UMAD1: variants seen among roughly 807,000 people sequenced by gnomAD.
UMAD1 encodes UBAP1-MVB12-associated (UMA)-domain containing protein 1.
In UMAD1, 8 loss-of-function variants were observed where a neutral mutation model predicts 6.1. The ratio of observed to expected loss-of-function variants is 1.30; its 90% confidence interval spans 0.76 to 2.35. The LOEUF is 2.35. UMAD1 is among the 30% of genes most tolerant of loss of function. The pLI is 0.00. For missense variants in UMAD1, 130 were observed against 78.4 expected (o/e 1.66, Z -2.49); for synonymous variants, 56 against 31.4 (o/e 1.78, Z -2.61).
chr7:7,752,416 G>A (rs1371030610), intron 2 of UMAD1, among the ~76,000 whole-genome samples: 1 of 152,028 alleles, frequency 6.6e-6, no homozygotes, highest in Admixed American at 6.5e-5. Flanking sequence ...TAACTATAAT[G>A]AGCTTTATAA....
chr7:7,656,955 C>A (rs1785358418), intron 1 of UMAD1, among the ~76,000 whole-genome samples: 1 of 152,194 alleles, frequency 6.6e-6, no homozygotes. Context: ...CTTCCTATTT[C>A]TACACATCCT....
chr7:7,791,695 A>G (rs1782570457), intron 2 of UMAD1, among the ~76,000 whole-genome samples: 1 of 152,194 alleles, frequency 6.6e-6, no homozygotes, highest in South Asian at 2.1e-4. Context: ...AAGACAAGTT[A>G]ATTAAGAGCA....
intron 3 of UMAD1, among the ~76,000 whole-genome samples, chr7:7,808,028 A>G (rs943625056): frequency 2.0e-5 from 3 of 152,042 alleles, no homozygotes; most frequent in African/African-American, 7.2e-5. Context: ...GTGTTTTAAG[A>G]GTCATTTGTA....
intron 3 of UMAD1, among the ~76,000 whole-genome samples, chr7:7,828,500 T>C (rs76659615): frequency 0.054 from 8,250 of 152,266 alleles, 273 homozygotes; most frequent in Middle Eastern, 0.12. Flanking sequence ...GACTCATGCT[T>C]CTTCTCAGAG....
At chr7:7,791,088 A>C (rs11971064) in intron 2 of UMAD1, among the ~76,000 whole-genome samples, 24,209 of 152,102 alleles carry the variant, frequency 0.16, 2,039 homozygotes, top group Middle Eastern at 0.2. Flanking sequence ...GGGTTTCACC[A>C]TGTTGGCCAG....
intron 3 of UMAD1, among the ~76,000 whole-genome samples, chr7:7,809,548 T>C (rs537606611): frequency 1.3e-5 from 2 of 152,078 alleles, no homozygotes; most frequent in Non-Finnish European, 2.9e-5. Context: ...TCTTTTTTCA[T>C]GGTAAAAACA....
intron 1 of UMAD1, among the ~76,000 whole-genome samples, chr7:7,651,718 C>G (rs903103538): frequency 1.3e-5 from 2 of 152,114 alleles, no homozygotes; most frequent in Non-Finnish European, 2.9e-5. Context: ...CACTCAATTC[C>G]CAAAGGCTAA....
intron 2 of UMAD1, among the ~76,000 whole-genome samples, chr7:7,677,064 G>A (rs1246892773): frequency 8.6e-5 from 13 of 151,908 alleles, no homozygotes; most frequent in Admixed American, 8.5e-4. Context: ...TTATTAACAT[G>A]GACACATACT....
chr7:7,862,345 G>A (rs1784131787), intron 3 of UMAD1, among the ~76,000 whole-genome samples: 1 of 152,102 alleles, frequency 6.6e-6, no homozygotes, highest in Non-Finnish European at 1.5e-5. Flanking sequence ...ATTCCCTTCA[G>A]TGAAATTAAT....
At chr7:7,702,783 T>A (rs190244252) in intron 2 of UMAD1, among the ~76,000 whole-genome samples, 1 of 148,524 alleles carries the variant, frequency 6.7e-6, no homozygotes. Flanking sequence ...GTGGCCTGGG[T>A]TTTTGTTGTT....
At chr7:7,684,071 C>T (rs1779981011) in intron 2 of UMAD1, among the ~76,000 whole-genome samples, 1 of 152,208 alleles carries the variant, frequency 6.6e-6, no homozygotes, top group Admixed American at 6.5e-5. Flanking sequence ...CATACATCCT[C>T]CCATATACTT....
intron 2 of UMAD1, among the ~76,000 whole-genome samples, chr7:7,723,175 T>C (rs1781082150): frequency 6.6e-6 from 1 of 152,100 alleles, no homozygotes. Context: ...GTGTGACCCA[T>C]GAGGAGGTGT....
rs549311978 is a variant in UMAD1 at position 7,702,085 on chromosome 7, G to A, written c.82+28632G>A. On this transcript the variant is annotated intron_variant, in intron 2 of 3. Transcript: ENST00000682710. The stretch of plus-strand genomic sequence containing the variant: ...TCACATATAGTTGAATTTAATGTAA[G>A]GGATGTCAAGGTAGGGAAGTGATTA... Among the ~76,000 whole-genome samples the A allele has an allele frequency of 9.9e-5, 15 of 152,276 alleles. No homozygotes were observed. In the South Asian group the frequency reaches 2.5e-3, roughly 25 times the overall value.
At chr7:7,739,997 G>C (rs1781431104) in intron 2 of UMAD1, among the ~76,000 whole-genome samples, 1 of 152,238 alleles carries the variant, frequency 6.6e-6, no homozygotes, top group Non-Finnish European at 1.5e-5. Flanking sequence ...AGTCAAGACT[G>C]TTAAGCATCT....
At position 7,771,248 on chromosome 7, in the gene UMAD1, A is replaced by T. The variant is rs142304583; in HGVS notation, c.83-30422A>T. Among the ~76,000 whole-genome samples, 40 of 152,254 alleles carry T rather than the reference A, an allele frequency of 2.6e-4. No individual in the cohort carries two copies. The East Asian group carries it at 6.4e-3, about 24-fold the overall frequency. On this transcript the variant is annotated intron_variant, in intron 2 of 3. Transcript: ENST00000682710. ...TTACATTGCATTATTGACAGGGCTT[A>T]ATTAAAATAAAGTCTCATCACTTGT...
chr7:7,753,403 A>C (rs1177988601), intron 2 of UMAD1, among the ~76,000 whole-genome samples: 1 of 152,136 alleles, frequency 6.6e-6, no homozygotes, highest in East Asian at 1.9e-4. Context: ...AACCATCCCC[A>C]TCAATCCCCC....
intron 2 of UMAD1, among the ~76,000 whole-genome samples, chr7:7,748,783 A>G (rs1172454768): frequency 6.6e-6 from 1 of 151,856 alleles, no homozygotes; most frequent in East Asian, 1.9e-4. Flanking sequence ...AAAAATTTAA[A>G]AAATTCTTTT....
chr7:7,717,417 C>T (rs1490718058), intron 2 of UMAD1, among the ~76,000 whole-genome samples: 5 of 152,184 alleles, frequency 3.3e-5, no homozygotes, highest in African/African-American at 4.8e-5. Context: ...TGTCCTCGTC[C>T]TTCAGTTTCT....
intron 3 of UMAD1, among the ~76,000 whole-genome samples, chr7:7,813,246 C>T (rs1334133670): frequency 3.3e-5 from 5 of 152,114 alleles, no homozygotes; most frequent in Admixed American, 6.6e-5. Flanking sequence ...GATGGAGTCT[C>T]GCTCTGTCGC....
Sources: gnomAD v4.1 joint callset for allele counts (sites outside exome capture counted in the v4.1 genomes callset) on GRCh38, gnomAD v4.1.1 for gene constraint, MANE v1.5 for transcripts, NCBI Gene and HGNC (gene_info 2026-07-23, HGNC 2026-07-21) for gene names.